Variants in HABP4 observed in about 807,000 individuals in gnomAD.
HABP4 encodes intracellular hyaluronan-binding protein 4.
HABP4 carries 32 observed loss-of-function variants against 44.1 expected under a neutral mutation model. The ratio of observed to expected loss-of-function variants is 0.73; its 90% CI spans 0.55 to 0.97. The LOEUF is 0.97. HABP4 is among the 50% of genes least tolerant of loss of function. The pLI, the probability that HABP4 is intolerant of heterozygous loss-of-function variation, is 0.00. For synonymous variants in HABP4, 216 were observed against 218.0 expected, an observed-to-expected ratio of 0.99 and a Z score of 0.08; for missense variants, 503 against 561.9, an observed-to-expected ratio of 0.90 and a Z score of 1.06.
At chr9:96,486,206 A>C (rs969439412) in intron 6 of HABP4, among the ~76,000 whole-genome samples, 1 of 152,156 alleles carries the variant, frequency 6.6e-6, no homozygotes, top group Non-Finnish European at 1.5e-5. Context: ...CAAAACAAAA[A>C]AAAAGATACA....
At chr9:96,453,087 AT>A (rs898977695) in intron 1 of HABP4, among the ~76,000 whole-genome samples, 209 of 92,578 alleles carry the variant, frequency 2.3e-3, no homozygotes, top group Middle Eastern at 0.017. Flanking sequence ...TGCCCGGCTA[AT>A]TTTTTTTTTT....
chr9:96,457,188 G>A (rs1381705965), intron 1 of HABP4, among the ~76,000 whole-genome samples: 2 of 152,110 alleles, frequency 1.3e-5, no homozygotes, highest in African/African-American at 2.4e-5. Flanking sequence ...CCAGGTTAGA[G>A]AAACGTCGTC....
intron 1 of HABP4, among the ~76,000 whole-genome samples, chr9:96,456,890 G>A (rs530518612): frequency 7.3e-6 from 1 of 136,842 alleles, no homozygotes; most frequent in African/African-American, 2.7e-5. Context: ...AAGAAAAATT[G>A]AAGCCACTAT....
At position 96,450,686 on chromosome 9, in the gene HABP4, C is replaced by G; in HGVS notation, c.349+58C>G. 5 of 1,211,152 alleles carry G rather than the reference C, an allele frequency of 4.1e-6. No individual in the cohort carries two copies. Among genetic ancestry groups the G allele is most frequent in the Non-Finnish European group, 5.2e-6 (5 of 970,358 alleles). 75.0% of individuals were successfully genotyped at this position (1,211,152 alleles called of 1,614,324 possible). On this transcript the variant is annotated intron_variant, in intron 1 of 7. Coordinates refer to ENST00000375249, the MANE Select transcript of HABP4 (RefSeq NM_014282.4). This position sits in a 1 kb window ranked among gnomAD's most constrained non-coding sequence, Gnocchi z 4.8. ...GCTCGGCCCGCTGTGAGACTGGGGTCCCGGGGGCCGGTTTCAGGAGGAGGG... is the reference window on the plus strand; with the variant it reads ...GCTCGGCCCGCTGTGAGACTGGGGTGCCGGGGGCCGGTTTCAGGAGGAGGG...
intron 1 of HABP4, among the ~76,000 whole-genome samples, chr9:96,458,159 A>C (rs902695010): frequency 6.6e-6 from 1 of 152,188 alleles, no homozygotes; most frequent in Admixed American, 6.5e-5. Context: ...ACTTTCTAGG[A>C]TATAGGGAAA....
intron 1 of HABP4, among the ~76,000 whole-genome samples, chr9:96,455,441 C>T (rs1382689391): frequency 8.3e-6 from 1 of 120,262 alleles, no homozygotes. Context: ...GTCTGGGTGA[C>T]GGAGTGAGAC....
chr9:96,451,523 C>A, intron 1 of HABP4: 1 of 962,578 alleles, frequency 1.0e-6, no homozygotes, highest in Non-Finnish European at 1.2e-6. Context: ...GTAGGTTGAC[C>A]ATTCCTGCCG....
In HABP4 at chr9:96,482,234, G is replaced by A. The variant is rs907835585; in HGVS notation, c.828-2228G>A. 2.6e-5 allele frequency among the ~76,000 whole-genome samples: 4 copies of A among 152,066 alleles called. No homozygotes were observed. The South Asian group carries it at 8.3e-4, about 32-fold the overall frequency. ...ATTACAGGCTTGAGCCACTGTGCCTGGCCTTGTAGAACTTTTTCATCACAA... is the reference window on the plus strand; with the variant it reads ...ATTACAGGCTTGAGCCACTGTGCCTAGCCTTGTAGAACTTTTTCATCACAA... On this transcript the variant is annotated intron_variant, in intron 5 of 7. Transcript: ENST00000375249.
chr9:96,486,104 A>G (rs1832971307), intron 6 of HABP4, among the ~76,000 whole-genome samples: 1 of 152,100 alleles, frequency 6.6e-6, no homozygotes, highest in African/African-American at 2.4e-5. Flanking sequence ...AGGCAGGAGA[A>G]TCGCTTGAAC....
chr9:96,476,068 A>G (rs1014688700), intron 5 of HABP4, among the ~76,000 whole-genome samples: 27 of 152,264 alleles, frequency 1.8e-4, no homozygotes, highest in African/African-American at 6.3e-4. Context: ...TCTTCTGCGC[A>G]TATCATGACT....
chr9:96,481,694 C>T (rs1483195331), intron 5 of HABP4, among the ~76,000 whole-genome samples: 1 of 151,990 alleles, frequency 6.6e-6, no homozygotes, highest in East Asian at 2.0e-4. Flanking sequence ...TATGGTGAGC[C>T]ATCATCATGC....
At chr9:96,458,033 ACT>A (rs1832428559) in intron 1 of HABP4, among the ~76,000 whole-genome samples, 1 of 152,214 alleles carries the variant, frequency 6.6e-6, no homozygotes. Flanking sequence ...CGGCTTACAC[ACT>A]GTGTTTTTGT....
At chr9:96,467,645 C>G (rs1221126536) in intron 4 of HABP4, among the ~76,000 whole-genome samples, 1 of 151,502 alleles carries the variant, frequency 6.6e-6, no homozygotes, top group African/African-American at 2.4e-5. Flanking sequence ...CTTGCCTTAG[C>G]TTTCCGAATA....
At chr9:96,465,296 C>T in intron 2 of HABP4, 41 bp from the exon 3 acceptor site, 1 of 1,351,180 alleles carries the variant, frequency 7.4e-7, no homozygotes, top group South Asian at 1.2e-5. Flanking sequence ...AGACCTTAGA[C>T]CTTTAATTTA....
intron 5 of HABP4, 36 bp downstream of exon 5, chr9:96,471,130 G>C (rs1157570929): frequency 9.3e-7 from 1 of 1,076,242 alleles, no homozygotes; most frequent in Non-Finnish European, 1.4e-6. Flanking sequence ...TGTGGTGTTG[G>C]TTCTCTTCTT....
rs1306231718 is a variant in HABP4, at chr9:96,476,132, GCA to G, written c.827+5041_827+5042del. Among the ~76,000 whole-genome samples the G allele has an allele frequency of 2.6e-5, 4 of 152,308 alleles. No homozygotes were observed. The East Asian group carries it at 5.8e-4, about 22-fold the overall frequency. Reference sequence around the variant, plus strand: ...CCCTTATTCCCTGAATCTCAGTGGAGCACAGAGGTTGAGTGTGGGCTTTGGAA... The same window carrying G: ...CCCTTATTCCCTGAATCTCAGTGGAGCAGAGGTTGAGTGTGGGCTTTGGAA... On this transcript the variant is annotated intron_variant, in intron 5 of 7. Coordinates refer to ENST00000375249, the MANE Select transcript of HABP4 (RefSeq NM_014282.4).
At position 96,465,780 on chromosome 9, in the gene HABP4, T is replaced by C; in HGVS notation, c.743+2T>C. The stretch of plus-strand genomic sequence containing the variant: ...CTGGGGATCGGGTAAAGATACCAGG[T>C]ACGGTGTAAGTGTGTGCCCTCTGAG... On this transcript the variant is annotated splice_donor_variant, in intron 4 of 7. Coordinates refer to ENST00000375249, the MANE Select transcript of HABP4 (RefSeq NM_014282.4). LOFTEE classifies it high-confidence loss of function. 6.5e-7 allele frequency: 1 copy of C among 1,527,456 alleles called. No individual in the cohort carries two copies. Among genetic ancestry groups the C allele is most frequent in the Non-Finnish European group, 9.1e-7 (1 of 1,100,902 alleles). The allele number at this position is 1,527,456 out of a possible 1,614,324, so 94.6% of individuals were successfully genotyped here.
At chr9:96,453,376 A>T (rs920444141) in intron 1 of HABP4, among the ~76,000 whole-genome samples, 1 of 151,302 alleles carries the variant, frequency 6.6e-6, no homozygotes, top group Non-Finnish European at 1.5e-5. Context: ...GCCTGGCCTA[A>T]TTTTTTATAT....
chr9:96,475,907 T>A (rs757490564), intron 5 of HABP4, among the ~76,000 whole-genome samples: 11 of 152,242 alleles, frequency 7.2e-5, no homozygotes, highest in Non-Finnish European at 1.5e-4. Flanking sequence ...ATGTTTTAGG[T>A]TAAATTCATT....
Sources: gnomAD v4.1 joint callset for allele counts (sites outside exome capture counted in the v4.1 genomes callset) on GRCh38, gnomAD v4.1.1 for gene constraint, Gnocchi (gnomAD v3.1) non-coding constraint, MANE v1.5 for transcripts, NCBI Gene and HGNC (gene_info 2026-07-23, HGNC 2026-07-21) for gene names.